ERMARD: variants seen among roughly 807,000 people sequenced by gnomAD.
ERMARD encodes endoplasmic reticulum membrane-associated RNA degradation protein.
In ERMARD, 71 loss-of-function variants were observed where a neutral mutation model predicts 83.9. That is an observed-to-expected ratio of 0.85 (90% CI 0.70 to 1.03). The LOEUF (loss-of-function observed/expected upper bound fraction) is 1.03. ERMARD is among the 50% of genes least tolerant of loss of function. The probability of loss-of-function intolerance (pLI) is 0.00; values close to 1 mark genes in which losing one functional copy is unlikely to be tolerated. For synonymous variants in ERMARD, 284 were observed against 298.6 expected, an observed-to-expected ratio of 0.95 and a Z score of 0.50; for missense variants, 838 against 810.9, an observed-to-expected ratio of 1.03 and a Z score of -0.41.
At chr6:169,769,841 G>A in intron 12 of ERMARD, 128 bp downstream of exon 12, 1 of 800,050 alleles carries the variant, frequency 1.2e-6, no homozygotes, top group Non-Finnish European at 1.8e-6. Context: ...TCCTCCATCA[G>A]AAAAAAAAGT....
chr6:169,757,000 G>A (rs1435830804), intron 5 of ERMARD, among the ~76,000 whole-genome samples, 192 bp downstream of exon 5: 1 of 152,174 alleles, frequency 6.6e-6, no homozygotes, highest in Non-Finnish European at 1.5e-5. Flanking sequence ...AAATGAGGAA[G>A]AAGCAAAAGT....
chr6:169,779,598 G>C (rs1793979334), intron 17 of ERMARD, among the ~76,000 whole-genome samples: 1 of 152,068 alleles, frequency 6.6e-6, no homozygotes. Flanking sequence ...AGGCTCAGGT[G>C]ATCTGCCACC....
At chr6:169,768,757 CTCCG>C (rs1464999463) in intron 11 of ERMARD, among the ~76,000 whole-genome samples, 21 of 152,162 alleles carry the variant, frequency 1.4e-4, no homozygotes, top group Non-Finnish European at 2.9e-4. Flanking sequence ...CAGAGCAAGA[CTCCG>C]TCTGAAAATA....
At chr6:169,769,412 C>A in intron 11 of ERMARD, 128 bp from the exon 12 acceptor site, 1 of 820,360 alleles carries the variant, frequency 1.2e-6, no homozygotes, top group South Asian at 2.2e-5. Flanking sequence ...AGAGCTCTCC[C>A]CAGCAGAGTC....
At chr6:169,774,972 C>A (rs192653622) in intron 13 of ERMARD, among the ~76,000 whole-genome samples, 1 of 152,300 alleles carries the variant, frequency 6.6e-6, no homozygotes, top group Admixed American at 6.5e-5. Context: ...CCAGGCCAGT[C>A]GCCAGAGCTC....
intron 6 of ERMARD, among the ~76,000 whole-genome samples, chr6:169,759,568 CG>C (rs1222710623): frequency 2.6e-5 from 4 of 152,094 alleles, no homozygotes; most frequent in African/African-American, 9.7e-5. Context: ...TACAGGCACA[CG>C]CCACTATGCC....
At chr6:169,774,416 C>G (rs1016134577) in intron 13 of ERMARD, among the ~76,000 whole-genome samples, 9 of 152,056 alleles carry the variant, frequency 5.9e-5, no homozygotes, top group African/African-American at 2.4e-5. Flanking sequence ...CAAGCCCTTA[C>G]GAAGGTGGAG....
Position 169,775,273 on chromosome 6 carries a change from C to T in ERMARD, c.1321C>T (p.Leu441=), listed in dbSNP as rs1314017352. The change falls in exon 14 of 18, where the codon CTG becomes TTG. Residue 441 remains leucine (L), a synonymous_variant. Transcript: ENST00000366773. ...HPVFQLKKQV[L]SCEESIRVWA... Reference sequence around the variant, plus strand: ...GCAATAAAACATTTCCTCCCAGGTGCTGAGCTGTGAGGAGAGCATCAGGGT... The same window carrying T: ...GCAATAAAACATTTCCTCCCAGGTGTTGAGCTGTGAGGAGAGCATCAGGGT... 1.2e-6 allele frequency: 2 copies of T among 1,614,010 alleles called. No individual in the cohort carries two copies. Among genetic ancestry groups the T allele is most frequent in the East Asian group, 2.2e-5 (1 of 44,900 alleles).
At chr6:169,779,380 G>A (rs1793952724) in intron 17 of ERMARD, 85 bp downstream of exon 17, 4 of 1,194,052 alleles carry the variant, frequency 3.3e-6, no homozygotes, top group Admixed American at 1.8e-5. Flanking sequence ...TTGGGGCAGT[G>A]TGAGTGACAC....
intron 10 of ERMARD, chr6:169,766,875 C>A: frequency 2.1e-6 from 1 of 468,318 alleles, no homozygotes; most frequent in Non-Finnish European, 3.7e-6. Flanking sequence ...CCAAAGCTAT[C>A]CAAAGCTCAA....
At chr6:169,781,293 A>G (rs559690761) in intron 17 of ERMARD, 37 bp from the exon 18 acceptor site, 2 of 1,527,150 alleles carry the variant, frequency 1.3e-6, no homozygotes, top group Admixed American at 2.3e-5. Context: ...TTCATTTTAT[A>G]ATGGAATGGA....
intron 5 of ERMARD, among the ~76,000 whole-genome samples, chr6:169,757,222 T>G (rs1270162852): frequency 1.3e-5 from 2 of 152,180 alleles, no homozygotes; most frequent in Non-Finnish European, 2.9e-5. Flanking sequence ...AATTCACATA[T>G]GCTGAGCTTT....
At chr6:169,766,315 C>T (rs550875150) in intron 9 of ERMARD, among the ~76,000 whole-genome samples, 8 of 152,200 alleles carry the variant, frequency 5.3e-5, no homozygotes, top group Non-Finnish European at 1.0e-4. Flanking sequence ...AAATACCAGT[C>T]GTCAGGAGAA....
At chr6:169,751,742 G>A (rs537170054) in intron 1 of ERMARD, 79 bp downstream of exon 1, 2 of 1,459,858 alleles carry the variant, frequency 1.4e-6, no homozygotes, top group East Asian at 2.7e-5. Flanking sequence ...TCGGCTACGC[G>A]GAGTGGGCGA....
At chr6:169,776,787 G>A (rs547494853) in intron 16 of ERMARD, 114 bp downstream of exon 16, 7 of 1,196,628 alleles carry the variant, frequency 5.8e-6, no homozygotes, top group African/African-American at 3.0e-5. Flanking sequence ...GAACCCCATC[G>A]ACAGGTGTTG....
chr6:169,762,636 G>T, intron 9 of ERMARD, 105 bp downstream of exon 9: 1 of 916,716 alleles, frequency 1.1e-6, no homozygotes. Flanking sequence ...ACATTAAAAT[G>T]ATTTTAATTT....
At chr6:169,763,804 A>T (rs885328) in intron 9 of ERMARD, among the ~76,000 whole-genome samples, 14,227 of 152,328 alleles carry the variant, frequency 0.093, 1,413 homozygotes, top group African/African-American at 0.25. Context: ...CAACACATGG[A>T]AGTTTTGGAC....
chr6:169,751,754 C>T (rs1040606850), intron 1 of ERMARD, 91 bp downstream of exon 1: 3 of 1,433,828 alleles, frequency 2.1e-6, no homozygotes, highest in African/African-American at 3.0e-5. Flanking sequence ...AGTGGGCGAG[C>T]GAGCACGCGC....
intron 5 of ERMARD, among the ~76,000 whole-genome samples, chr6:169,757,442 C>G (rs1282004685): frequency 6.6e-6 from 1 of 152,108 alleles, no homozygotes; most frequent in African/African-American, 2.4e-5. Flanking sequence ...AATACTAAAT[C>G]CAGAATACAA....
Sources: gnomAD v4.1 joint callset for allele counts (sites outside exome capture counted in the v4.1 genomes callset) on GRCh38, gnomAD v4.1.1 for gene constraint, MANE v1.5 for transcripts, NCBI Gene and HGNC (gene_info 2026-07-23, HGNC 2026-07-21) for gene names.